The following CDH18 variants were observed in gnomAD, a reference collection of about 807,000 sequenced individuals.
CDH18 encodes the protein cadherin-18.
In CDH18, 31 loss-of-function variants were observed where a neutral mutation model predicts 67.9. The ratio of observed to expected loss-of-function variants is 0.46; its 90% CI spans 0.34 to 0.62. CDH18 has a LOEUF of 0.62. Ranked by LOEUF, CDH18 falls within the 20% of genes least tolerant of loss-of-function variation. CDH18 has a pLI of 0.01. For missense variants in CDH18, 890 were observed against 975.5 expected, an observed-to-expected ratio of 0.91 and a Z score of 1.17; for synonymous variants, 362 against 347.2, an observed-to-expected ratio of 1.04 and a Z score of -0.48.
chr5:20,235,179 G>A (rs1359572681), intron 2 of CDH18, among the ~76,000 whole-genome samples: 1 of 151,952 alleles, frequency 6.6e-6, no homozygotes, highest in Non-Finnish European at 1.5e-5. Context: ...AAAAATCATA[G>A]AAGAAAACCT....
chr5:20,277,202 C>T (rs114965556), intron 1 of CDH18, among the ~76,000 whole-genome samples: 3 of 152,096 alleles, frequency 2.0e-5, no homozygotes, highest in Admixed American at 6.5e-5. Flanking sequence ...TCGGTGAGAA[C>T]CAGAACTGTG....
In CDH18 at chr5:19,904,453, G is replaced by A. The variant is rs924515746; in HGVS notation, c.-256-65211C>T. ...GAAGGGACAGTTTGTGGGAAGTTGTGAAGACTGGGAATTGGAGAGACACTT... is the reference window on the plus strand; with the variant it reads ...GAAGGGACAGTTTGTGGGAAGTTGTAAAGACTGGGAATTGGAGAGACACTT... On this transcript the variant is annotated intron_variant, in intron 2 of 12. Transcript: ENST00000382275. Among the ~76,000 whole-genome samples the A allele has an allele frequency of 2.6e-5, 4 of 151,990 alleles. No individual in the cohort carries two copies. In the South Asian group the frequency reaches 8.3e-4, roughly 32 times the overall value.
intron 4 of CDH18, among the ~76,000 whole-genome samples, chr5:19,738,477 T>G (rs912743351): frequency 5.3e-5 from 8 of 152,206 alleles, no homozygotes; most frequent in East Asian, 1.9e-4. Flanking sequence ...AATCTCTGAC[T>G]GGTTTGTTTT....
At chr5:19,491,580 GAA>G (rs745349850) in intron 11 of CDH18, among the ~76,000 whole-genome samples, 2 of 152,080 alleles carry the variant, frequency 1.3e-5, no homozygotes, top group African/African-American at 2.4e-5. Context: ...TGTGAAATTT[GAA>G]AAGACTCCAA....
chr5:19,899,943 C>A (rs1329455424), intron 2 of CDH18, among the ~76,000 whole-genome samples: 6 of 151,944 alleles, frequency 3.9e-5, no homozygotes, highest in Non-Finnish European at 8.8e-5. Context: ...GAGGGGGAAA[C>A]AGGGAGTTAC....
chr5:20,483,843 G>C (rs1041057819), intron 1 of CDH18, among the ~76,000 whole-genome samples: 1 of 151,910 alleles, frequency 6.6e-6, no homozygotes, highest in African/African-American at 2.4e-5. Flanking sequence ...AGACAACCTT[G>C]GGGAAACTCT....
chr5:20,244,635 A>G (rs1217585171), intron 2 of CDH18, among the ~76,000 whole-genome samples: 1 of 152,152 alleles, frequency 6.6e-6, no homozygotes. Context: ...GACTCATAAA[A>G]ATAAAGTAAT....
At chr5:20,402,541 CAT>C (rs1737256253) in intron 1 of CDH18, among the ~76,000 whole-genome samples, 1 of 152,172 alleles carries the variant, frequency 6.6e-6, no homozygotes, top group Non-Finnish European at 1.5e-5. Context: ...AATTGGGTCA[CAT>C]ATTTTTTATT....
chr5:20,201,097 T>A (rs1466755305), intron 2 of CDH18, among the ~76,000 whole-genome samples: 2 of 152,022 alleles, frequency 1.3e-5, no homozygotes, highest in African/African-American at 2.4e-5. Context: ...AGTAGAGCAA[T>A]ACTCTTTCTA....
chr5:20,467,008 T>C (rs186825645), intron 1 of CDH18, among the ~76,000 whole-genome samples: 1 of 152,234 alleles, frequency 6.6e-6, no homozygotes, highest in East Asian at 1.9e-4. Context: ...AATGTCAGAA[T>C]TGAAGATCGC....
At chr5:20,028,342 A>AT (rs2150446264) in intron 2 of CDH18, among the ~76,000 whole-genome samples, 1 of 152,326 alleles carries the variant, frequency 6.6e-6, no homozygotes, top group African/African-American at 2.4e-5. Flanking sequence ...ATTAACAAAG[A>AT]TAACACCGAA....
chr5:20,346,300 A>T (rs1250868598), intron 1 of CDH18, among the ~76,000 whole-genome samples: 3 of 152,156 alleles, frequency 2.0e-5, no homozygotes, highest in Non-Finnish European at 4.4e-5. Context: ...ATTTAACGGG[A>T]CTAGAGGTAT....
chr5:20,019,033 G>A (rs1175557421), intron 2 of CDH18, among the ~76,000 whole-genome samples: 2 of 142,284 alleles, frequency 1.4e-5, no homozygotes, highest in African/African-American at 2.7e-5. Context: ...TCCTGACCTC[G>A]TGATCCGCCC....
chr5:19,986,503 G>A (rs1268861853), intron 1 of CDH18, among the ~76,000 whole-genome samples: 3 of 152,068 alleles, frequency 2.0e-5, no homozygotes, highest in Admixed American at 6.6e-5. Context: ...TGTTTGTTTG[G>A]TTGGTTTTTT....
chr5:19,973,396 T>C (rs994424975), intron 2 of CDH18, among the ~76,000 whole-genome samples: 9 of 152,140 alleles, frequency 5.9e-5, no homozygotes, highest in Admixed American at 5.9e-4. Context: ...TTGTGTCCTA[T>C]TATCTATGTA....
At chr5:19,647,202 G>C (rs1392006937) in intron 5 of CDH18, among the ~76,000 whole-genome samples, 1 of 151,862 alleles carries the variant, frequency 6.6e-6, no homozygotes, top group African/African-American at 2.4e-5. Context: ...ATCCCTTCTG[G>C]TATTAGAAAA....
chr5:20,273,690 T>A (rs1277956357), intron 1 of CDH18, among the ~76,000 whole-genome samples: 2 of 152,262 alleles, frequency 1.3e-5, no homozygotes, highest in Admixed American at 1.3e-4. Context: ...CTACTATTTC[T>A]TGGCTTATCC....
intron 2 of CDH18, among the ~76,000 whole-genome samples, chr5:19,874,366 T>C (rs1033880816): frequency 6.6e-6 from 1 of 152,212 alleles, no homozygotes; most frequent in Admixed American, 6.5e-5. Flanking sequence ...AGCTATTAAG[T>C]TTAGGATTTC....
intron 2 of CDH18, among the ~76,000 whole-genome samples, chr5:20,213,977 G>A (rs1349638712): frequency 6.6e-6 from 1 of 151,756 alleles, no homozygotes; most frequent in Admixed American, 6.6e-5. Context: ...AAACCTCACA[G>A]AATTCAGCAA....
Sources: allele counts gnomAD v4.1 joint callset (sites outside exome capture counted in the v4.1 genomes callset), GRCh38; gene constraint gnomAD v4.1.1; transcripts MANE v1.5; gene names NCBI Gene and HGNC (gene_info 2026-07-23, HGNC 2026-07-21).